The following FRMPD2 variants were observed in gnomAD, a reference collection of about 807,000 sequenced individuals.
FRMPD2 encodes FERM and PDZ domain-containing protein 2.
In FRMPD2, 96 loss-of-function variants were observed where a neutral mutation model predicts 140.1. The observed-to-expected ratio is 0.69, with a 90% CI of 0.58 to 0.81. FRMPD2 has a LOEUF of 0.81. Ranked by LOEUF, FRMPD2 falls within the 40% of genes least tolerant of loss-of-function variation. FRMPD2 has a pLI of 0.00. For missense variants in FRMPD2, 1,240 were observed against 1,447.4 expected, an observed-to-expected ratio of 0.86 and a Z score of 2.32; for synonymous variants, 449 against 547.6, an observed-to-expected ratio of 0.82 and a Z score of 2.52.
chr10:48,160,660 A>T (rs2132384882), intron 28 of FRMPD2, among the ~76,000 whole-genome samples: 1 of 129,368 alleles, frequency 7.7e-6, no homozygotes, highest in Admixed American at 7.7e-5. Context: ...AGGATACAGA[A>T]ATCCATGCTC....
intron 10 of FRMPD2, among the ~76,000 whole-genome samples, chr10:48,226,645 C>T (rs779693084): frequency 6.6e-6 from 1 of 152,212 alleles, no homozygotes; most frequent in African/African-American, 2.4e-5. Flanking sequence ...AGGCAACATC[C>T]TTATCTTCAA....
At chr10:48,170,340 C>T (rs1838207373) in intron 26 of FRMPD2, among the ~76,000 whole-genome samples, 1 of 152,160 alleles carries the variant, frequency 6.6e-6, no homozygotes, top group Non-Finnish European at 1.5e-5. Context: ...GAGCTCATGC[C>T]AGCGAGTCCC....
chr10:48,236,624 G>A, intron 8 of FRMPD2, 71 bp from the exon 9 acceptor site: 2 of 1,388,954 alleles, frequency 1.4e-6, no homozygotes, highest in South Asian at 2.3e-5. Context: ...CTTCCCCCAT[G>A]ATGCACCTCT....
intron 12 of FRMPD2, among the ~76,000 whole-genome samples, chr10:48,221,696 A>G (rs1037245790): frequency 6.6e-6 from 1 of 152,242 alleles, no homozygotes; most frequent in Non-Finnish European, 1.5e-5. Context: ...TGTCTTTAGG[A>G]GGTACCTATT....
In FRMPD2 at chr10:48,185,623, CT is replaced by C; in HGVS notation, c.2288del (p.Lys763ArgfsTer4). Reference protein sequence around the residue: ...MHAGSKNNRRKSFIAEPGREI... With the variant: ...MHAGSKNNRRXSFIAEPGREI... ...CTCGGCCCGGTTCAGCTATAAAGCT[CT>C]TCCTCCTATTATTCTTTGAGCCTAG... On this transcript the variant is annotated frameshift_variant, in exon 18 of 29. Coordinates refer to ENST00000374201, the MANE Select transcript of FRMPD2 (RefSeq NM_001018071.4). LOFTEE classifies it high-confidence loss of function. The C allele has an allele frequency of 6.2e-7, 1 of 1,613,984 alleles. No individual in the cohort carries two copies.
chr10:48,232,880 C>T (rs1297269086), intron 9 of FRMPD2, among the ~76,000 whole-genome samples: 1 of 152,204 alleles, frequency 6.6e-6, no homozygotes, highest in Non-Finnish European at 1.5e-5. Context: ...CACAGCCCCA[C>T]CCAGACCACT....
intron 15 of FRMPD2, among the ~76,000 whole-genome samples, chr10:48,193,266 A>T (rs1838881253): frequency 6.6e-6 from 1 of 152,206 alleles, no homozygotes; most frequent in Non-Finnish European, 1.5e-5. Context: ...GCTTTTACAG[A>T]TCTGTCCTCC....
chr10:48,194,048 A>G (rs1838899289), intron 15 of FRMPD2, among the ~76,000 whole-genome samples: 1 of 152,374 alleles, frequency 6.6e-6, no homozygotes, highest in African/African-American at 2.4e-5. Context: ...ATTGCATAGT[A>G]TCTTACTCCA....
intron 10 of FRMPD2, among the ~76,000 whole-genome samples, chr10:48,225,593 C>T (rs1447379856): frequency 6.6e-6 from 1 of 152,190 alleles, no homozygotes; most frequent in African/African-American, 2.4e-5. Context: ...TGGGATGCAC[C>T]TGTAGTCCTC....
chr10:48,245,991 A>G (rs1361774464), intron 3 of FRMPD2, among the ~76,000 whole-genome samples: 2 of 152,230 alleles, frequency 1.3e-5, no homozygotes, highest in African/African-American at 2.4e-5. Context: ...GTCACCTGTG[A>G]CAACTCATTA....
chr10:48,170,425 T>C (rs1442850012), intron 26 of FRMPD2, among the ~76,000 whole-genome samples: 3 of 152,210 alleles, frequency 2.0e-5, no homozygotes, highest in Admixed American at 1.3e-4. Context: ...TAGGGGTAAC[T>C]GCATCCCACT....
At chr10:48,208,818 C>G (rs538089840) in intron 13 of FRMPD2, among the ~76,000 whole-genome samples, 206 of 152,318 alleles carry the variant, frequency 1.4e-3, no homozygotes, top group African/African-American at 4.6e-3. Flanking sequence ...GGCCTGTCTT[C>G]CTTACAACAG....
chr10:48,215,465 T>A (rs1229179765), intron 12 of FRMPD2, among the ~76,000 whole-genome samples: 1 of 152,236 alleles, frequency 6.6e-6, no homozygotes, highest in Non-Finnish European at 1.5e-5. Context: ...GAGTCACAAC[T>A]TTCTCAATGG....
intron 24 of FRMPD2, among the ~76,000 whole-genome samples, chr10:48,174,079 T>C (rs1838338808): frequency 6.6e-6 from 1 of 152,170 alleles, no homozygotes; most frequent in Admixed American, 6.5e-5. Flanking sequence ...AAGTCACTAA[T>C]ATAAGCAAAT....
chr10:48,256,250 C>T (rs1840485704), intron 1 of FRMPD2, among the ~76,000 whole-genome samples: 1 of 149,500 alleles, frequency 6.7e-6, no homozygotes, highest in Admixed American at 6.6e-5. Context: ...GGGTCCCTGT[C>T]CCCTAGACAG....
chr10:48,264,344 T>A (rs1840646282), intron 1 of FRMPD2, among the ~76,000 whole-genome samples: 1 of 152,104 alleles, frequency 6.6e-6, no homozygotes, highest in Non-Finnish European at 1.5e-5. Context: ...GTTATCTCTG[T>A]TCCGAGATGA....
intron 10 of FRMPD2, among the ~76,000 whole-genome samples, chr10:48,229,966 CACTAA>C (rs1484769979): frequency 6.6e-6 from 1 of 152,056 alleles, no homozygotes. Context: ...ATGTCCAGGA[CACTAA>C]AGAAGAAACA....
At chr10:48,237,693 T>C (rs1341497670) in intron 8 of FRMPD2, among the ~76,000 whole-genome samples, 1 of 152,112 alleles carries the variant, frequency 6.6e-6, no homozygotes, top group Non-Finnish European at 1.5e-5. Flanking sequence ...TCTCGAATCA[T>C]GTAGCACGCT....
At chr10:48,244,703 T>C in intron 4 of FRMPD2, 81 bp downstream of exon 4, 1 of 1,046,214 alleles carries the variant, frequency 9.6e-7, no homozygotes, top group Admixed American at 1.7e-5. Context: ...GCTCAGTAAA[T>C]GTGGTCCCTG....
Sources: allele counts gnomAD v4.1 joint callset (sites outside exome capture counted in the v4.1 genomes callset), GRCh38; gene constraint gnomAD v4.1.1; transcripts MANE v1.5; gene names NCBI Gene and HGNC (gene_info 2026-07-23, HGNC 2026-07-21).